The following LIG4 variants were observed in gnomAD, a reference collection of about 807,000 sequenced individuals.
The protein encoded by LIG4 is DNA ligase 4.
A neutral mutation model predicts 19.0 loss-of-function variants in LIG4; 13 were observed. The ratio of observed to expected loss-of-function variants is 0.68; its 90% CI spans 0.44 to 1.09. The LOEUF is 1.09. Among genes scored for constraint, LIG4 ranks in the 50% least tolerant of loss-of-function variants. LIG4 has a pLI of 0.00. For synonymous variants in LIG4, 361 were observed against 358.2 expected (o/e 1.01, Z -0.09); for missense variants, 1,026 against 1,089.7 (o/e 0.94, Z 0.82).
chr13:108,217,124 A>C (rs1879340601), upstream of LIG4, among the ~76,000 whole-genome samples: 3 of 152,220 alleles, frequency 2.0e-5, no homozygotes, highest in Admixed American at 1.3e-4. Context: ...AATGCCTGTA[A>C]TCCCAGCACT....
At position 108,210,406 on chromosome 13, in the gene LIG4, T is replaced by C. The variant is rs1332784619; in HGVS notation, c.863A>G (p.Tyr288Cys). Residue 288 changes from tyrosine (Y) to cysteine (C), a missense_variant, in exon 3 of 3, where the codon TAT becomes TGT. Physicochemically the swap from Tyr to Cys is radical, Grantham distance 194 (BLOSUM62 -2). This residue lies in a region of LIG4 where 493 missense variants were observed against 544.5 expected (regional missense o/e 0.91). Coordinates refer to ENST00000442234, the MANE Select transcript of LIG4 (RefSeq NM_206937.2). ...ATATCCATTTCGAGAGAAGTATTTA[T>C]ATACATCTCCATCTTTGTGCATTTG... ...RMQMHKDGDV[Y>C]KYFSRNGYNY... 1.9e-6 allele frequency: 3 copies of C among 1,613,458 alleles called. No individual in the cohort carries two copies. The highest frequency in any genetic ancestry group is 2.2e-5 in the East Asian group (1 of 44,880).
At position 108,208,615 on chromosome 13, in the gene LIG4, T is replaced by C; in HGVS notation, c.2654A>G (p.Lys885Arg). 6.2e-7 allele frequency: 1 copy of C among 1,613,122 alleles called. No homozygotes were observed. Among genetic ancestry groups the C allele is most frequent in the African/African-American group, 1.3e-5 (1 of 74,948 alleles). Residue 885 changes from lysine to arginine, a missense_variant, in exon 3 of 3, where the codon AAG (lysine) becomes AGG (arginine). Physicochemically the swap from Lys to Arg is conservative, Grantham distance 26. This residue lies in a region of LIG4 where 521 missense variants were observed against 515.5 expected (regional missense o/e 1.01). Transcript: ENST00000442234. ...CCAACTTTCTTTTAGGATTTTAAAC[T>C]TTCTCTTAAAAGTTCTTCTAAAAGC... ...FKAFRRTFKR[K>R]FKILKESWVT...
Position 108,209,133 on chromosome 13 carries a change from T to C in LIG4, c.2136A>G (p.Ile712Met). Reference sequence around the variant, plus strand: ...CAACATCATGTTTATTTGACAAAATTATGTTTTTCACTCTGATGTTCTCAG... The same window carrying C: ...CAACATCATGTTTATTTGACAAAATCATGTTTTTCACTCTGATGTTCTCAG... ...AGSENIRVKN[I>M]ILSNKHDVVK... Residue 712 changes from isoleucine to methionine, a missense_variant, in exon 3 of 3, where the codon ATA becomes ATG. Coordinates refer to ENST00000442234, the MANE Select transcript of LIG4 (RefSeq NM_206937.2). The C allele has an allele frequency of 6.2e-7, 1 of 1,614,158 alleles. No individual in the cohort carries two copies.
chr13:108,216,298 AGTGAGAAGTTATTCATAAAGAGGG>A (rs1879287952), upstream of LIG4, among the ~76,000 whole-genome samples: 4 of 152,304 alleles, frequency 2.6e-5, no homozygotes, highest in South Asian at 8.3e-4. Flanking sequence ...GCCATGGAGA[AGTGAGAAGTTATTCATAAAGAGGG>A]GTGGAAACAA....
intron 1 of LIG4, 38 bp from the exon 2 acceptor site, chr13:108,214,648 A>C (rs1879032392): frequency 6.6e-6 from 1 of 152,140 alleles, no homozygotes; most frequent in Admixed American, 6.5e-5. Context: ...ACATGTACGC[A>C]GGTAAAGCAG....
Position 108,209,437 on chromosome 13 carries a change from G to A in LIG4, c.1832C>T (p.Ala611Val). Reference protein sequence around the residue: ...QLRGKASGKLASKHLYIGGDD... With the variant: ...QLRGKASGKLVSKHLYIGGDD... ...ACCACCTATATAAAGGTGTTTAGATGCGAGCTTACCAGATGCCTTCCCCCT... is the reference window on the plus strand; with the variant it reads ...ACCACCTATATAAAGGTGTTTAGATACGAGCTTACCAGATGCCTTCCCCCT... Residue 611 changes from alanine (A) to valine (V), a missense_variant, in exon 3 of 3, where the codon GCA becomes GTA. Physicochemically the swap from Ala to Val is moderately conservative, Grantham distance 64. Transcript: ENST00000442234. The A allele has an allele frequency of 3.1e-6, 5 of 1,614,086 alleles. No homozygotes were observed. The highest frequency in any genetic ancestry group is 4.2e-6 in the Non-Finnish European group (5 of 1,180,016).
Position 108,211,003 on chromosome 13 carries a change from A to C in LIG4, c.266T>G (p.Leu89Arg). The C allele has an allele frequency of 6.2e-7, 1 of 1,604,444 alleles. No homozygotes were observed. Among genetic ancestry groups the C allele is most frequent in the South Asian group, 1.1e-5 (1 of 88,320 alleles). ...AAGCAACTCAATATAAAGCTTAGCAAGCATAGTTTCTTTAATTCCATAGGC... is the reference window on the plus strand; with the variant it reads ...AAGCAACTCAATATAAAGCTTAGCACGCATAGTTTCTTTAATTCCATAGGC... The part of the protein sequence containing the change: ...RMAYGIKETM[L>R]AKLYIELLNL... Residue 89 changes from leucine (L) to arginine (R), a missense_variant, in exon 3 of 3, where the codon CTT (leucine) becomes CGT (arginine). Physicochemically the swap from Leu to Arg is moderately radical, Grantham distance 102. Coordinates refer to ENST00000442234, the MANE Select transcript of LIG4 (RefSeq NM_206937.2).
rs1878125447 is a variant in LIG4, at chr13:108,208,255, A to C, written c.*278T>G. 1 of 276,192 alleles carries C rather than the reference A, an allele frequency of 3.6e-6. No individual in the cohort carries two copies. The highest frequency in any genetic ancestry group is 4.9e-5 in the Admixed American group (1 of 20,296). 17.1% of individuals were successfully genotyped at this position (276,192 alleles called of 1,614,324 possible). A position where few individuals can be genotyped will look rare whatever the true frequency, so the allele number is the denominator to read the frequency against. On this transcript the variant is annotated 3_prime_UTR_variant, in exon 3 of 3. Transcript: ENST00000442234. Reference sequence around the variant, plus strand: ...CTAAGTAAAAATTCTAGATTTCTATATGGATATTATAAAAACACCTCTTCT... The same window carrying C: ...CTAAGTAAAAATTCTAGATTTCTATCTGGATATTATAAAAACACCTCTTCT...
intron 2 of LIG4, among the ~76,000 whole-genome samples, chr13:108,212,179 T>TAAAA (rs568065568): frequency 1.1e-5 from 1 of 94,882 alleles, no homozygotes; most frequent in Non-Finnish European, 2.2e-5. Flanking sequence ...ATATATTCTG[T>TAAAA]AAAAAAAAAA....
rs183107946 is a variant in LIG4 at position 108,214,523 on chromosome 13, A to C, written c.-29+15T>G. The stretch of plus-strand genomic sequence containing the variant: ...CCTACTCTCCCCCAACCCTTCACGG[A>C]TTCCCAGTGAATACCTGGCCTCGGG... On this transcript the variant is annotated intron_variant, in intron 2 of 2. Coordinates refer to ENST00000442234, the MANE Select transcript of LIG4 (RefSeq NM_206937.2). 427 of 151,928 alleles carry C rather than the reference A, an allele frequency of 2.8e-3. 2 individuals carry two copies. The highest frequency in any genetic ancestry group is 9.6e-3 in the African/African-American group (398 of 41,358). The allele number at this position is 151,928 out of a possible 1,614,324, so 9.4% of individuals were successfully genotyped here.
At chr13:108,216,212 T>C (rs965977099), upstream of LIG4, among the ~76,000 whole-genome samples, 2 of 152,202 alleles carry the variant, frequency 1.3e-5, no homozygotes, top group Admixed American at 1.3e-4. Context: ...GGTGGAGAGA[T>C]TATAAACAAC....
rs1332467911 is a variant in LIG4 at position 108,210,390 on chromosome 13, T to C, written c.879A>G (p.Arg293=). 2 of 1,613,712 alleles carry C rather than the reference T, an allele frequency of 1.2e-6. No homozygotes were observed. Among genetic ancestry groups the C allele is most frequent in the Admixed American group, 3.3e-5 (2 of 60,000 alleles). ...KDGDVYKYFS[R]NGYNYTDQFG... The stretch of plus-strand genomic sequence containing the variant: ...ACTGATCAGTGTAGTTATATCCATT[T>C]CGAGAGAAGTATTTATATACATCTC... Residue 293 remains arginine (R), a synonymous_variant, in exon 3 of 3, where the codon CGA becomes CGG. Transcript: ENST00000442234.
chr13:108,217,103 G>A, upstream of LIG4, among the ~76,000 whole-genome samples: 1 of 152,320 alleles, frequency 6.6e-6, no homozygotes, highest in Middle Eastern at 3.4e-3. Flanking sequence ...CCACAGGCCG[G>A]GCCAGTGGCT....
chr13:108,213,735 A>G (rs908354988), intron 2 of LIG4, among the ~76,000 whole-genome samples: 2 of 152,224 alleles, frequency 1.3e-5, no homozygotes, highest in African/African-American at 4.8e-5. Flanking sequence ...GGATGGTAAC[A>G]TTTAACAGCT....
upstream of LIG4, among the ~76,000 whole-genome samples, chr13:108,216,146 T>C (rs1879278931): frequency 2.6e-5 from 4 of 152,194 alleles, no homozygotes; most frequent in Admixed American, 2.0e-4. Flanking sequence ...ATAAAGTTAT[T>C]TAACAAACCT....
At chr13:108,214,047 C>A (rs1333949234) in intron 2 of LIG4, among the ~76,000 whole-genome samples, 1 of 152,144 alleles carries the variant, frequency 6.6e-6, no homozygotes, top group Non-Finnish European at 1.5e-5. Context: ...AATAACGATT[C>A]ATCATTCATT....
At chr13:108,212,686 G>A (rs1335016716) in intron 2 of LIG4, among the ~76,000 whole-genome samples, 3 of 150,982 alleles carry the variant, frequency 2.0e-5, no homozygotes, top group African/African-American at 7.3e-5. Context: ...GCAAACAAAT[G>A]AGCAACACAC....
At position 108,211,219 on chromosome 13, in the gene LIG4, G is replaced by A. The variant is rs758781782; in HGVS notation, c.50C>T (p.Ala17Val). Residue 17 changes from alanine (A) to valine (V), a missense_variant, in exon 3 of 3, where the codon GCA becomes GTA. Ala to Val is a moderately conservative substitution (Grantham distance 64). This residue lies in a region of LIG4 where 493 missense variants were observed against 544.5 expected (regional missense o/e 0.91). Transcript: ENST00000442234. ...SQTVASHVPF[A>V]DLCSTLERIQ... is the part of the protein sequence containing the mutation. The stretch of plus-strand genomic sequence containing the variant: ...TCGTTCTAAAGTTGAACACAAATCT[G>A]CAAAAGGAACGTGAGATGCAACAGT... 3 of 1,613,088 alleles carry A rather than the reference G, an allele frequency of 1.9e-6. No homozygotes were observed. The highest frequency in any genetic ancestry group is 3.3e-5 in the Admixed American group (2 of 60,014).
chr13:108,212,045 T>C (rs999141035), intron 2 of LIG4, among the ~76,000 whole-genome samples: 7 of 152,134 alleles, frequency 4.6e-5, no homozygotes, highest in African/African-American at 1.7e-4. Context: ...TATAAATTTA[T>C]TAGTATGCTG....
Sources: allele counts gnomAD v4.1 joint callset (sites outside exome capture counted in the v4.1 genomes callset), GRCh38; gene constraint gnomAD v4.1.1; regional missense constraint gnomAD v4.1.1; transcripts MANE v1.5; gene names NCBI Gene and HGNC (gene_info 2026-07-23, HGNC 2026-07-21).